RPTOR: variants seen among roughly 807,000 people sequenced by gnomAD.
RPTOR encodes the protein regulatory associated protein of MTOR complex 1.
RPTOR carries 21 observed loss-of-function variants against 169.9 expected under a neutral mutation model. The observed-to-expected ratio is 0.12, with a 90% confidence interval of 0.09 to 0.18. The LOEUF is 0.18. Ranked by LOEUF, RPTOR falls within the 10% of genes least tolerant of loss-of-function variation. The pLI, the probability that RPTOR is intolerant of heterozygous loss-of-function variation, is 1.00. For synonymous variants in RPTOR, 732 were observed against 753.2 expected (o/e 0.97, Z 0.46); for missense variants, 1,133 against 1,855.9 (o/e 0.61, Z 7.16).
At chr17:80,671,238 C>A (rs2065819499) in intron 3 of RPTOR, among the ~76,000 whole-genome samples, 1 of 152,218 alleles carries the variant, frequency 6.6e-6, no homozygotes, top group Non-Finnish European at 1.5e-5. Context: ...TGCTGCCCGG[C>A]AGCCGATGGC....
intron 3 of RPTOR, among the ~76,000 whole-genome samples, chr17:80,666,459 C>T (rs578024739): frequency 7.0e-4 from 107 of 152,148 alleles, no homozygotes; most frequent in African/African-American, 2.4e-3. Context: ...ACAAGTGACC[C>T]GGAATCTAAT....
At chr17:80,911,122 C>T (rs570853533) in intron 21 of RPTOR, among the ~76,000 whole-genome samples, 3 of 152,334 alleles carry the variant, frequency 2.0e-5, no homozygotes, top group Admixed American at 2.0e-4. Context: ...TGAGCCACTG[C>T]GCCTGGCCTG....
At chr17:80,666,853 G>A (rs1175765284) in intron 3 of RPTOR, among the ~76,000 whole-genome samples, 2 of 152,104 alleles carry the variant, frequency 1.3e-5, no homozygotes, top group African/African-American at 4.8e-5. Flanking sequence ...GGGTGATGGC[G>A]AGTTCTCTTG....
chr17:80,561,232 G>A (rs1469683815), intron 1 of RPTOR, among the ~76,000 whole-genome samples: 5 of 137,254 alleles, frequency 3.6e-5, no homozygotes, highest in African/African-American at 9.5e-5. Context: ...CACCACACCC[G>A]GCTAATTTAT....
At chr17:80,738,321 T>C (rs983248159) in intron 5 of RPTOR, among the ~76,000 whole-genome samples, 1 of 152,264 alleles carries the variant, frequency 6.6e-6, no homozygotes, top group African/African-American at 2.4e-5. Flanking sequence ...CTGAGCTGAA[T>C]GTGGCCGCCA....
intron 24 of RPTOR, among the ~76,000 whole-genome samples, chr17:80,931,582 G>A (rs1219252982): frequency 6.6e-6 from 1 of 152,204 alleles, no homozygotes; most frequent in Non-Finnish European, 1.5e-5. Flanking sequence ...AACATAACCT[G>A]CAGCTCCTGA....
intron 7 of RPTOR, among the ~76,000 whole-genome samples, chr17:80,804,010 T>A (rs557340104): frequency 2.6e-4 from 40 of 152,286 alleles, no homozygotes; most frequent in Non-Finnish European, 4.6e-4. Flanking sequence ...CATATGTAGC[T>A]TCAGTATTTA....
intron 6 of RPTOR, among the ~76,000 whole-genome samples, chr17:80,788,758 G>T (rs533120875): frequency 3.7e-4 from 56 of 152,216 alleles, no homozygotes; most frequent in Middle Eastern, 3.4e-3. Context: ...AACAATGGTC[G>T]CCAAATAATA....
chr17:80,632,219 C>T (rs2065447510), intron 2 of RPTOR, among the ~76,000 whole-genome samples: 1 of 152,196 alleles, frequency 6.6e-6, no homozygotes, highest in Non-Finnish European at 1.5e-5. Flanking sequence ...CCACTTCATC[C>T]GTCCCTCGTC....
At chr17:80,725,061 C>T (rs1315152318) in intron 4 of RPTOR, among the ~76,000 whole-genome samples, 1 of 152,218 alleles carries the variant, frequency 6.6e-6, no homozygotes, top group African/African-American at 2.4e-5. Flanking sequence ...GGATAAAACG[C>T]TCACATTTAA....
intron 3 of RPTOR, among the ~76,000 whole-genome samples, chr17:80,660,245 T>A (rs1012733469): frequency 1.4e-5 from 2 of 141,858 alleles, no homozygotes; most frequent in African/African-American, 5.3e-5. Flanking sequence ...CACTCCAGCC[T>A]GGGCGGCAGA....
intron 5 of RPTOR, among the ~76,000 whole-genome samples, chr17:80,734,188 C>T (rs912904067): frequency 8.5e-5 from 13 of 152,164 alleles, no homozygotes; most frequent in Non-Finnish European, 1.6e-4. Context: ...CTCTTTTCTT[C>T]TTGAATTACC....
intron 13 of RPTOR, among the ~76,000 whole-genome samples, chr17:80,869,979 G>A (rs1359319984): frequency 6.6e-6 from 1 of 152,164 alleles, no homozygotes; most frequent in Non-Finnish European, 1.5e-5. Context: ...AAGGATGGTG[G>A]TAGTGGTTGT....
At chr17:80,805,564 G>T (rs2067210009) in intron 7 of RPTOR, 1 of 152,230 alleles carries the variant, frequency 6.6e-6, no homozygotes, top group South Asian at 2.1e-4. Flanking sequence ...AGGTCTGTCT[G>T]AAGGTCGGCC....
chr17:80,841,730 C>A (rs1385269303), intron 10 of RPTOR, among the ~76,000 whole-genome samples: 3 of 142,390 alleles, frequency 2.1e-5, no homozygotes, highest in East Asian at 4.3e-4. Flanking sequence ...TCTCACCACA[C>A]CGCAGCTCAC....
In RPTOR at chr17:80,726,033, G is replaced by T. The variant is rs2066330197; in HGVS notation, c.508-4527G>T. On this transcript the variant is annotated intron_variant, in intron 4 of 33. Coordinates refer to ENST00000306801, the MANE Select transcript of RPTOR (RefSeq NM_020761.3). The surrounding 1 kb of genome is among the most constrained non-coding windows in gnomAD (Gnocchi z 4.5). ...GGGTGGTGCTGCGGAAGATTGTGTG[G>T]TGCACAGGGCAGCCCCACAAGGAGC... Among the ~76,000 whole-genome samples the T allele has an allele frequency of 6.6e-6, 1 of 152,186 alleles. No homozygotes were observed. The highest frequency in any genetic ancestry group is 2.1e-4 in the South Asian group (1 of 4,834).
At chr17:80,573,283 G>A (rs970877362) in intron 1 of RPTOR, among the ~76,000 whole-genome samples, 25 of 152,302 alleles carry the variant, frequency 1.6e-4, no homozygotes, top group Middle Eastern at 3.4e-3. Context: ...TTAGCTTGAC[G>A]AGTTCAAAGA....
chr17:80,668,986 CG>C (rs35694741), intron 3 of RPTOR, among the ~76,000 whole-genome samples: 27,131 of 152,292 alleles, frequency 0.18, 2,858 homozygotes, highest in East Asian at 0.24. Flanking sequence ...TGCTGCCTCC[CG>C]GGTGCTTCTC....
chr17:80,586,201 C>T (rs1170157185), intron 1 of RPTOR, among the ~76,000 whole-genome samples: 1 of 152,128 alleles, frequency 6.6e-6, no homozygotes, highest in African/African-American at 2.4e-5. Context: ...TTCAACCCAT[C>T]CTGATCTCTC....
Sources: gnomAD v4.1 joint callset for allele counts (sites outside exome capture counted in the v4.1 genomes callset) on GRCh38, gnomAD v4.1.1 for gene constraint, Gnocchi (gnomAD v3.1) non-coding constraint, MANE v1.5 for transcripts, NCBI Gene and HGNC (gene_info 2026-07-23, HGNC 2026-07-21) for gene names.